GFRA1: variants seen among roughly 807,000 people sequenced by gnomAD.
GFRA1 encodes GDNF family receptor alpha 1, also known as GDNF family receptor alpha-1.
GFRA1 carries 16 observed loss-of-function variants against 51.6 expected under a neutral mutation model. The ratio of observed to expected loss-of-function variants is 0.31; its 90% CI spans 0.21 to 0.47. The LOEUF is 0.47. GFRA1 is among the 20% of genes least tolerant of loss of function. GFRA1 has a pLI of 1.00. For synonymous variants in GFRA1, 270 were observed against 241.3 expected (o/e 1.12, Z -1.10); for missense variants, 530 against 594.3 (o/e 0.89, Z 1.13).
At chr10:116,088,725 C>T (rs771296511) in intron 9 of GFRA1, among the ~76,000 whole-genome samples, 13 of 151,868 alleles carry the variant, frequency 8.6e-5, no homozygotes, top group Non-Finnish European at 1.8e-4. Flanking sequence ...TCGAGACCAT[C>T]CTGGCTAACA....
intron 6 of GFRA1, among the ~76,000 whole-genome samples, chr10:116,108,797 C>T (rs1425444127): frequency 2.0e-5 from 3 of 152,210 alleles, no homozygotes; most frequent in South Asian, 2.1e-4. Flanking sequence ...TATATCTTCA[C>T]GTTGCTGATG....
intron 5 of GFRA1, among the ~76,000 whole-genome samples, chr10:116,186,175 G>A (rs974269243): frequency 1.7e-4 from 26 of 152,208 alleles, no homozygotes; most frequent in Admixed American, 1.6e-3. Context: ...AGCGCTCACC[G>A]GAGATGGCAC....
chr10:116,121,869 C>A (rs1957660447), intron 6 of GFRA1, among the ~76,000 whole-genome samples: 1 of 152,176 alleles, frequency 6.6e-6, no homozygotes, highest in South Asian at 2.1e-4. Flanking sequence ...CTGGGTAGAA[C>A]AACAACGGCC....
chr10:116,144,037 G>A (rs1193253794), intron 5 of GFRA1, among the ~76,000 whole-genome samples: 1 of 152,144 alleles, frequency 6.6e-6, no homozygotes, highest in Non-Finnish European at 1.5e-5. Context: ...GTCCCCTGGG[G>A]AGCTTGCATC....
At chr10:116,104,429 A>G (rs575940947) in intron 6 of GFRA1, among the ~76,000 whole-genome samples, 6 of 152,262 alleles carry the variant, frequency 3.9e-5, no homozygotes, top group Non-Finnish European at 5.9e-5. Flanking sequence ...TGCCCAGCAC[A>G]TGGGCCATGG....
At chr10:116,233,267 G>A (rs1239831343) in intron 4 of GFRA1, among the ~76,000 whole-genome samples, 1 of 151,972 alleles carries the variant, frequency 6.6e-6, no homozygotes, top group Non-Finnish European at 1.5e-5. Context: ...GGCAGATGTT[G>A]CAGTGAGCCA....
At chr10:116,253,343 C>G (rs1968545693) in intron 4 of GFRA1, among the ~76,000 whole-genome samples, 1 of 152,132 alleles carries the variant, frequency 6.6e-6, no homozygotes, top group African/African-American at 2.4e-5. Flanking sequence ...TGCGGTGGCT[C>G]ATGCCTGTAA....
At chr10:116,224,304 A>T (rs1324331758) in intron 4 of GFRA1, among the ~76,000 whole-genome samples, 1 of 152,222 alleles carries the variant, frequency 6.6e-6, no homozygotes, top group Non-Finnish European at 1.5e-5. Flanking sequence ...ATAGTTACGT[A>T]TAGAGTTTAT....
intron 5 of GFRA1, among the ~76,000 whole-genome samples, chr10:116,198,087 A>G (rs1233143459): frequency 6.6e-6 from 1 of 152,178 alleles, no homozygotes; most frequent in Non-Finnish European, 1.5e-5. Flanking sequence ...TGAACTTGTA[A>G]TCCATCCACC....
chr10:116,238,560 C>T (rs1031835081), intron 4 of GFRA1, among the ~76,000 whole-genome samples: 8 of 152,080 alleles, frequency 5.3e-5, no homozygotes, highest in East Asian at 3.9e-4. Flanking sequence ...AAATGCACAC[C>T]CATCTTTCCT....
intron 5 of GFRA1, among the ~76,000 whole-genome samples, chr10:116,186,529 G>T (rs1412038267): frequency 6.8e-6 from 1 of 147,396 alleles, no homozygotes; most frequent in Non-Finnish European, 1.5e-5. Context: ...ATTCTGAAAG[G>T]CCGGTCTCTC....
intron 5 of GFRA1, among the ~76,000 whole-genome samples, chr10:116,135,429 T>C (rs1958282679): frequency 6.6e-6 from 1 of 152,224 alleles, no homozygotes; most frequent in African/African-American, 2.4e-5. Flanking sequence ...TACAGTTCCA[T>C]TGCCAATTAC....
intron 4 of GFRA1, among the ~76,000 whole-genome samples, chr10:116,259,023 G>A (rs1969104686): frequency 6.6e-6 from 1 of 152,166 alleles, no homozygotes; most frequent in Non-Finnish European, 1.5e-5. Context: ...GGATCTCCTG[G>A]TATCTTCCTC....
intron 4 of GFRA1, among the ~76,000 whole-genome samples, chr10:116,223,410 C>T (rs1966064043): frequency 6.6e-6 from 1 of 152,222 alleles, no homozygotes; most frequent in African/African-American, 2.4e-5. Flanking sequence ...GGTATTTCAT[C>T]AGTCTTTCAG....
At chr10:116,250,798 T>G (rs1466643682) in intron 4 of GFRA1, among the ~76,000 whole-genome samples, 1 of 152,230 alleles carries the variant, frequency 6.6e-6, no homozygotes, top group Non-Finnish European at 1.5e-5. Context: ...TCCTGAGCCC[T>G]GGTGGTGGCC....
At chr10:116,177,422 A>G (rs1213768698) in intron 5 of GFRA1, among the ~76,000 whole-genome samples, 2 of 152,172 alleles carry the variant, frequency 1.3e-5, no homozygotes, top group African/African-American at 2.4e-5. Flanking sequence ...TGCAATAGGA[A>G]ACACAGCAAC....
At chr10:116,155,818 T>C (rs1275047062) in intron 5 of GFRA1, among the ~76,000 whole-genome samples, 1 of 152,058 alleles carries the variant, frequency 6.6e-6, no homozygotes, top group Admixed American at 6.6e-5. Flanking sequence ...GCCAGAGACA[T>C]AGATGTTTAT....
In GFRA1 at chr10:116,228,461, A is replaced by C. The variant is rs74158413; in HGVS notation, c.419-16816T>G. On this transcript the variant is annotated intron_variant, in intron 4 of 10. Transcript: ENST00000355422. ...AAGATGCCCATGTTCTAATCCCTGG[A>C]ATCTGTGAAGAGGTTACTTTACATG... 2.2e-3 allele frequency among the ~76,000 whole-genome samples: 337 copies of C among 152,294 alleles called. 3 individuals are homozygous for C. The highest frequency in any genetic ancestry group is 7.8e-3 in the African/African-American group (326 of 41,568).
chr10:116,271,613 A>T (rs1038547548), intron 2 of GFRA1, among the ~76,000 whole-genome samples: 1 of 152,068 alleles, frequency 6.6e-6, no homozygotes, highest in East Asian at 2.0e-4. Context: ...TACTCGGGAA[A>T]AACTTTTCTC....
Sources: allele counts gnomAD v4.1 joint callset (sites outside exome capture counted in the v4.1 genomes callset), GRCh38; gene constraint gnomAD v4.1.1; transcripts MANE v1.5; gene names NCBI Gene and HGNC (gene_info 2026-07-23, HGNC 2026-07-21).